NMNAT2: variants seen among roughly 807,000 people sequenced by gnomAD.
NMNAT2 encodes nicotinamide nucleotide adenylyltransferase 2, also known as nicotinamide/nicotinic acid mononucleotide adenylyltransferase 2.
Under a neutral mutation model 41.6 loss-of-function variants are expected in NMNAT2, and 11 were observed. The observed-to-expected ratio is 0.26, with a 90% confidence interval of 0.17 to 0.44. The LOEUF (loss-of-function observed/expected upper bound fraction) is 0.44, where lower values mean the gene tolerates loss of function less well. Among genes scored for constraint, NMNAT2 ranks in the 20% least tolerant of loss-of-function variants. The probability of loss-of-function intolerance (pLI) is 1.00; values close to 1 mark genes in which losing one functional copy is unlikely to be tolerated. For missense variants in NMNAT2, 288 were observed against 407.7 expected, an observed-to-expected ratio of 0.71 and a Z score of 2.53; for synonymous variants, 148 against 151.2, an observed-to-expected ratio of 0.98 and a Z score of 0.16.
At chr1:183,395,522 T>C (rs889964056) in intron 1 of NMNAT2, among the ~76,000 whole-genome samples, 3 of 151,908 alleles carry the variant, frequency 2.0e-5, no homozygotes, top group Non-Finnish European at 2.9e-5. Context: ...TATTTGGAAA[T>C]GGTGGGTGAT....
chr1:183,380,516 C>T (rs944061283), intron 1 of NMNAT2, among the ~76,000 whole-genome samples: 1 of 152,056 alleles, frequency 6.6e-6, no homozygotes, highest in African/African-American at 2.4e-5. Context: ...ACATAAATAT[C>T]ATGAGACAGT....
At chr1:183,399,278 A>C (rs555713770) in intron 1 of NMNAT2, among the ~76,000 whole-genome samples, 13 of 152,334 alleles carry the variant, frequency 8.5e-5, no homozygotes, top group African/African-American at 3.1e-4. Context: ...AGAATATTAT[A>C]AACACCTCTA....
intron 3 of NMNAT2, among the ~76,000 whole-genome samples, chr1:183,291,409 C>T (rs530559444): frequency 6.6e-6 from 1 of 152,140 alleles, no homozygotes; most frequent in Non-Finnish European, 1.5e-5. Flanking sequence ...GCCCTGGGAG[C>T]GCACCTGTGC....
chr1:183,356,262 T>C (rs1663182752), intron 1 of NMNAT2, among the ~76,000 whole-genome samples: 2 of 152,238 alleles, frequency 1.3e-5, no homozygotes, highest in Admixed American at 1.3e-4. Flanking sequence ...TTTAACCTTA[T>C]TCTTGTAAAC....
At chr1:183,393,369 C>T (rs1043067346) in intron 1 of NMNAT2, among the ~76,000 whole-genome samples, 10 of 152,074 alleles carry the variant, frequency 6.6e-5, no homozygotes, top group Admixed American at 3.3e-4. Flanking sequence ...AATGGTTAAA[C>T]GCCCAGCTTC....
intron 1 of NMNAT2, among the ~76,000 whole-genome samples, chr1:183,416,489 G>T (rs1043291709): frequency 6.6e-6 from 1 of 152,250 alleles, no homozygotes; most frequent in Non-Finnish European, 1.5e-5. Context: ...TCAAAGGAAA[G>T]TGAAAGTGGA....
intron 6 of NMNAT2, 111 bp from the exon 7 acceptor site, chr1:183,284,150 G>A: frequency 1.1e-6 from 1 of 890,900 alleles, no homozygotes. Flanking sequence ...TGGGGTGGGT[G>A]CAAGTAGGGG....
intron 10 of NMNAT2, among the ~76,000 whole-genome samples, chr1:183,258,214 C>G (rs1660568387): frequency 6.6e-6 from 1 of 152,142 alleles, no homozygotes; most frequent in Admixed American, 6.6e-5. Context: ...CCTGTTCTCT[C>G]CTAACACAAT....
chr1:183,341,735 A>AC lies in NMNAT2; in HGVS notation c.86-47943_86-47942insG, dbSNP rs1557883685. On this transcript the variant is annotated intron_variant, in intron 1 of 10. Transcript: ENST00000287713. ...CAAACAAACAAACACCAAAAAAAAA[A>AC]AAAAAAAAAAAACCTGTTTCCTTCA... Among the ~76,000 whole-genome samples, 214 of 140,676 alleles carry AC rather than the reference A, an allele frequency of 1.5e-3. 15 individuals carry two copies. The highest frequency in any genetic ancestry group is 5.5e-3 in the African/African-American group (211 of 38,428). The allele number at this position is 140,676 out of a possible 152,430, so 92.3% of individuals were successfully genotyped here. A position where few individuals can be genotyped will look rare whatever the true frequency, so the allele number is the denominator to read the frequency against.
intron 1 of NMNAT2, among the ~76,000 whole-genome samples, chr1:183,329,281 T>A (rs1055241444): frequency 6.6e-6 from 1 of 152,214 alleles, no homozygotes; most frequent in South Asian, 2.1e-4. Context: ...AAATTGAAGA[T>A]AAATATTATA....
chr1:183,286,135 G>A (rs1218543110), intron 5 of NMNAT2, among the ~76,000 whole-genome samples: 5 of 152,160 alleles, frequency 3.3e-5, no homozygotes, highest in African/African-American at 1.2e-4. Context: ...CAGTGGCACA[G>A]TCCCCCAGTC....
intron 1 of NMNAT2, among the ~76,000 whole-genome samples, chr1:183,302,551 C>T (rs762711607): frequency 6.6e-6 from 1 of 152,142 alleles, no homozygotes; most frequent in Non-Finnish European, 1.5e-5. Context: ...CTAGAGATAG[C>T]GAATAACTGG....
chr1:183,367,287 C>G (rs534667651), intron 1 of NMNAT2, among the ~76,000 whole-genome samples: 2 of 152,114 alleles, frequency 1.3e-5, no homozygotes, highest in South Asian at 4.2e-4. Context: ...GGAGAAAACC[C>G]ATCTCTACTA....
At chr1:183,284,868 T>C (rs1661362843) in intron 5 of NMNAT2, 78 bp from the exon 6 acceptor site, 1 of 1,175,036 alleles carries the variant, frequency 8.5e-7, no homozygotes. Flanking sequence ...GGCCCGGCAT[T>C]GGGGCCGCTG....
chr1:183,406,267 G>A (rs1266809778), intron 1 of NMNAT2, among the ~76,000 whole-genome samples: 1 of 152,172 alleles, frequency 6.6e-6, no homozygotes, highest in African/African-American at 2.4e-5. Context: ...GGAATGTAAT[G>A]ACATCCAGAT....
At chr1:183,406,691 G>GT (rs1299527436) in intron 1 of NMNAT2, among the ~76,000 whole-genome samples, 3 of 152,088 alleles carry the variant, frequency 2.0e-5, no homozygotes, top group South Asian at 4.2e-4. Context: ...ACGGTTTTTG[G>GT]TTTTGTTCGC....
At chr1:183,332,609 G>T (rs1662607520) in intron 1 of NMNAT2, among the ~76,000 whole-genome samples, 1 of 152,178 alleles carries the variant, frequency 6.6e-6, no homozygotes, top group Non-Finnish European at 1.5e-5. Context: ...ACAGTCACCA[G>T]CCAACCCTGC....
intron 1 of NMNAT2, among the ~76,000 whole-genome samples, chr1:183,302,238 A>G (rs1661873187): frequency 6.6e-6 from 1 of 152,184 alleles, no homozygotes; most frequent in Non-Finnish European, 1.5e-5. Flanking sequence ...AAAAGACACA[A>G]TTCACATCTC....
chr1:183,273,828 T>A (rs1276567575), intron 8 of NMNAT2, among the ~76,000 whole-genome samples: 1 of 3,428 alleles, frequency 2.9e-4, no homozygotes, highest in Middle Eastern at 0.083. Flanking sequence ...TTCTTTTCCC[T>A]CCCTCCCTCC....
Sources: allele counts gnomAD v4.1 joint callset (sites outside exome capture counted in the v4.1 genomes callset), GRCh38; gene constraint gnomAD v4.1.1; transcripts MANE v1.5; gene names NCBI Gene and HGNC (gene_info 2026-07-23, HGNC 2026-07-21).